MAD1L1: variants seen among roughly 807,000 people sequenced by gnomAD.
MAD1L1 encodes mitotic spindle assembly checkpoint protein MAD1.
Under a neutral mutation model 96.9 loss-of-function variants are expected in MAD1L1, and 95 were observed. The observed-to-expected ratio is 0.98, with a 90% CI of 0.83 to 1.16. The LOEUF (loss-of-function observed/expected upper bound fraction) is 1.16. Among genes scored for constraint, MAD1L1 ranks in the 50% most tolerant of loss-of-function variants. The probability of loss-of-function intolerance (pLI) is 0.00; values close to 1 mark genes in which losing one functional copy is unlikely to be tolerated. For missense variants in MAD1L1, 1,007 were observed against 954.4 expected, an observed-to-expected ratio of 1.06 and a Z score of -0.73; for synonymous variants, 473 against 396.6, an observed-to-expected ratio of 1.19 and a Z score of -2.29.
chr7:1,927,080 G>A (rs1440564438), intron 17 of MAD1L1, among the ~76,000 whole-genome samples: 1 of 152,008 alleles, frequency 6.6e-6, no homozygotes, highest in African/African-American at 2.4e-5. Flanking sequence ...CTACACACAC[G>A]CACTGAACAC....
intron 18 of MAD1L1, among the ~76,000 whole-genome samples, chr7:1,866,407 C>T (rs1784781462): frequency 1.3e-5 from 2 of 152,160 alleles, no homozygotes; most frequent in South Asian, 4.2e-4. Flanking sequence ...GCTCCCTGTG[C>T]CCCCACTGCA....
At chr7:1,945,870 G>C (rs1779207494) in intron 16 of MAD1L1, among the ~76,000 whole-genome samples, 1 of 152,192 alleles carries the variant, frequency 6.6e-6, no homozygotes, top group African/African-American at 2.4e-5. Flanking sequence ...ACCAGGGCAG[G>C]AGGTGGTCCA....
Position 1,968,313 on chromosome 7 carries a change from C to G in MAD1L1, c.1506-10594G>C, listed in dbSNP as rs536867349. 4.1e-5 allele frequency among the ~76,000 whole-genome samples: 6 copies of G among 146,714 alleles called. No individual in the cohort carries two copies. Among genetic ancestry groups the G allele is most frequent in the Non-Finnish European group, 7.5e-5 (5 of 66,998 alleles). ...GTCCAGCGGTCAGGTCCACTGTCAA[C>G]GCCTCAGTCTGGTGGTCAGGTCAAC... On this transcript the variant is annotated intron_variant, in intron 15 of 18. Transcript: ENST00000265854. This position sits in a 1 kb window ranked among gnomAD's most constrained non-coding sequence, Gnocchi z 5.6.
rs528781351 is a variant in MAD1L1 at position 2,022,749 on chromosome 7, C to A, written c.1219-8107G>T. The stretch of plus-strand genomic sequence containing the variant: ...ATTTCGAATGTGAATGATCTAAACA[C>A]ACCAATTAAAAGACGGTCAGGATGG... On this transcript the variant is annotated intron_variant, in intron 12 of 18. Transcript: ENST00000265854. Among the ~76,000 whole-genome samples, 22 of 152,166 alleles carry A rather than the reference C, an allele frequency of 1.4e-4. No homozygotes were observed. The East Asian group carries it at 4.2e-3, about 29-fold the overall frequency.
At chr7:2,062,242 A>T (rs1784690878) in intron 12 of MAD1L1, among the ~76,000 whole-genome samples, 2 of 136,724 alleles carry the variant, frequency 1.5e-5, no homozygotes, top group Non-Finnish European at 3.1e-5. Context: ...ACTCCATTTC[A>T]AAAAACAGCA....
chr7:2,006,248 G>A (rs915373252), intron 13 of MAD1L1, among the ~76,000 whole-genome samples: 6 of 152,082 alleles, frequency 3.9e-5, no homozygotes, highest in African/African-American at 1.4e-4. Flanking sequence ...CTCCAACAGG[G>A]TAAGTGGTCA....
chr7:1,950,719 A>T (rs1427869838), intron 16 of MAD1L1, among the ~76,000 whole-genome samples: 1 of 152,136 alleles, frequency 6.6e-6, no homozygotes, highest in African/African-American at 2.4e-5. Context: ...CTGCAGGCCC[A>T]CAGGGGGAGG....
intron 15 of MAD1L1, 126 bp downstream of exon 15, chr7:1,980,327 G>A (rs777241512): frequency 1.7e-4 from 130 of 756,488 alleles, no homozygotes; most frequent in Non-Finnish European, 2.7e-4. Flanking sequence ...GGGCGTATCC[G>A]CCTCCTCCCC....
chr7:2,155,702 C>T (rs1003921147), intron 10 of MAD1L1, among the ~76,000 whole-genome samples: 1 of 152,226 alleles, frequency 6.6e-6, no homozygotes, highest in Non-Finnish European at 1.5e-5. Flanking sequence ...TCCACTCACC[C>T]GTCGGTGGAC....
At chr7:1,951,374 C>T (rs1779489346) in intron 16 of MAD1L1, among the ~76,000 whole-genome samples, 1 of 152,196 alleles carries the variant, frequency 6.6e-6, no homozygotes, top group Non-Finnish European at 1.5e-5. Context: ...CCCTGCCCCT[C>T]CCGTCCGGGG....
chr7:2,079,996 G>A (rs1177034267), intron 11 of MAD1L1: 2 of 315,222 alleles, frequency 6.3e-6, no homozygotes, highest in African/African-American at 4.4e-5. Flanking sequence ...CAGAGAGAAG[G>A]AGACCATCCG....
chr7:1,843,834 G>A (rs528524206), intron 18 of MAD1L1, among the ~76,000 whole-genome samples: 3 of 152,344 alleles, frequency 2.0e-5, no homozygotes, highest in African/African-American at 7.2e-5. Context: ...ATGCTGAAAC[G>A]AGCGTGAGCT....
In MAD1L1 at chr7:1,904,824, C is replaced by A. The variant is rs1562509463; in HGVS notation, c.1808-6434G>T. On this transcript the variant is annotated intron_variant, in intron 17 of 18. Transcript: ENST00000265854. ...ATGATTGATCAAGCACTGTTCCAGG[C>A]AAGCGAGGACGCAGTGGCCTATGGA... Among the ~76,000 whole-genome samples the A allele has an allele frequency of 2.3e-5, 2 of 88,128 alleles. 1 individual carries two copies. Among genetic ancestry groups the A allele is most frequent in the Non-Finnish European group, 4.2e-5 (2 of 47,878 alleles). 57.8% of individuals were successfully genotyped at this position (88,128 alleles called of 152,430 possible). A position where few individuals can be genotyped will look rare whatever the true frequency, so the allele number is the denominator to read the frequency against.
chr7:1,893,305 G>A (rs1377301833), intron 18 of MAD1L1, among the ~76,000 whole-genome samples: 1 of 147,954 alleles, frequency 6.8e-6, no homozygotes, highest in Non-Finnish European at 1.5e-5. Context: ...GGGATGGGAA[G>A]CAGAGTGGCG....
At chr7:2,221,493 C>A (rs1396311022) in intron 5 of MAD1L1, among the ~76,000 whole-genome samples, 1 of 151,932 alleles carries the variant, frequency 6.6e-6, no homozygotes, top group Admixed American at 6.6e-5. Flanking sequence ...GCTGCACGCC[C>A]ACCCCACCCC....
chr7:1,958,580 A>T (rs1562562347), intron 15 of MAD1L1, among the ~76,000 whole-genome samples: 1 of 152,192 alleles, frequency 6.6e-6, no homozygotes, highest in Non-Finnish European at 1.5e-5. Flanking sequence ...TGCATCTCTG[A>T]AAAAAGATCA....
chr7:2,019,926 G>C (rs548896158), intron 12 of MAD1L1, among the ~76,000 whole-genome samples: 15 of 152,244 alleles, frequency 9.9e-5, no homozygotes, highest in African/African-American at 3.6e-4. Context: ...ACAACTGACT[G>C]TTTTCAAGTA....
chr7:1,980,096 G>T (rs1780824341), intron 15 of MAD1L1, among the ~76,000 whole-genome samples: 1 of 152,232 alleles, frequency 6.6e-6, no homozygotes, highest in Non-Finnish European at 1.5e-5. Context: ...ACACAGAGAA[G>T]GTCACGGCCT....
chr7:1,916,565 G>A (rs1240820531), intron 17 of MAD1L1, among the ~76,000 whole-genome samples: 2 of 152,184 alleles, frequency 1.3e-5, no homozygotes, highest in Non-Finnish European at 2.9e-5. Context: ...AGCAGACAGT[G>A]AGCCCTCAAG....
Sources: gnomAD v4.1 joint callset for allele counts (sites outside exome capture counted in the v4.1 genomes callset) on GRCh38, gnomAD v4.1.1 for gene constraint, Gnocchi (gnomAD v3.1) non-coding constraint, MANE v1.5 for transcripts, NCBI Gene and HGNC (gene_info 2026-07-23, HGNC 2026-07-21) for gene names.